Variants in FAM13C observed in about 807,000 individuals in gnomAD.
FAM13C encodes the protein protein FAM13C.
A neutral mutation model predicts 73.2 loss-of-function variants in FAM13C; 37 were observed. The observed-to-expected ratio is 0.51, with a 90% CI of 0.39 to 0.67. The LOEUF is 0.67. Among genes scored for constraint, FAM13C ranks in the 30% least tolerant of loss-of-function variants. FAM13C has a pLI of 0.00. For synonymous variants in FAM13C, 246 were observed against 260.9 expected, an observed-to-expected ratio of 0.94 and a Z score of 0.55; for missense variants, 589 against 715.6, an observed-to-expected ratio of 0.82 and a Z score of 2.02.
intron 6 of FAM13C, among the ~76,000 whole-genome samples, chr10:59,271,657 G>A (rs1173949578): frequency 6.6e-6 from 1 of 152,204 alleles, no homozygotes; most frequent in Non-Finnish European, 1.5e-5. Flanking sequence ...GCCCTCAGGA[G>A]TAACAGGAAT....
At chr10:59,281,068 T>C (rs1844869035) in intron 6 of FAM13C, among the ~76,000 whole-genome samples, 1 of 152,236 alleles carries the variant, frequency 6.6e-6, no homozygotes, top group Admixed American at 6.5e-5. Context: ...TGAATATTTG[T>C]ATACATGTAA....
intron 5 of FAM13C, among the ~76,000 whole-genome samples, chr10:59,286,542 T>TATATATATATATATATA (rs58052786): frequency 2.5e-4 from 35 of 140,594 alleles, no homozygotes; most frequent in African/African-American, 5.8e-4. Context: ...TATATATATA[T>TATATATATATATATATA]TCATCATACA....
Position 59,276,423 on chromosome 10 carries a change from CA to C in FAM13C, c.593-6315del, listed in dbSNP as rs201776726. Among the ~76,000 whole-genome samples the C allele has an allele frequency of 8.1e-3, 1,231 of 152,232 alleles. 46 individuals are homozygous for C. In the East Asian group the frequency reaches 0.12, roughly 15 times the overall value. ...GCTGACATTTATGGAGCATTTACCA[CA>C]GGAGATGAGCTAAGACCTTCATATA... On this transcript the variant is annotated intron_variant, in intron 6 of 13. Coordinates refer to ENST00000618804, the MANE Select transcript of FAM13C (RefSeq NM_198215.4).
intron 7 of FAM13C, 31 bp from the exon 8 acceptor site, chr10:59,268,722 A>G (rs1843364044): frequency 1.2e-6 from 2 of 1,600,544 alleles, no homozygotes; most frequent in African/African-American, 1.3e-5. Context: ...AAGGAGTATC[A>G]AAAACAGTGG....
At chr10:59,360,594 A>G (rs1856273188) in intron 1 of FAM13C, among the ~76,000 whole-genome samples, 1 of 152,152 alleles carries the variant, frequency 6.6e-6, no homozygotes, top group African/African-American at 2.4e-5. Flanking sequence ...GGAAAATGTT[A>G]TTGTGGCAAT....
rs974571845 is a variant in FAM13C at position 59,268,410 on chromosome 10, A to T, written c.942+143T>A. 6.5e-6 allele frequency: 6 copies of T among 918,924 alleles called. No individual in the cohort carries two copies. In the African/African-American group the frequency reaches 1.0e-4, roughly 15 times the overall value. The allele number at this position is 918,924 out of a possible 1,614,324, so 56.9% of individuals were successfully genotyped here. ...AGAACAAGACAGATAGAAGATGAAGACTCTATGATAGGTCCAGGTTGGCCC... is the reference window on the plus strand; with the variant it reads ...AGAACAAGACAGATAGAAGATGAAGTCTCTATGATAGGTCCAGGTTGGCCC... On this transcript the variant is annotated intron_variant, in intron 8 of 13. Transcript: ENST00000618804.
intron 6 of FAM13C, among the ~76,000 whole-genome samples, chr10:59,279,099 G>A (rs1453981887): frequency 2.6e-5 from 4 of 152,164 alleles, no homozygotes; most frequent in Non-Finnish European, 5.9e-5. Context: ...CCCCTGGAGT[G>A]GCACCGTGTT....
chr10:59,311,025 A>G (rs1245717786), intron 4 of FAM13C, among the ~76,000 whole-genome samples: 1 of 152,200 alleles, frequency 6.6e-6, no homozygotes, highest in Non-Finnish European at 1.5e-5. Context: ...TATAGGAGTG[A>G]CATGGTGTTT....
intron 4 of FAM13C, among the ~76,000 whole-genome samples, chr10:59,303,513 C>T (rs910201257): frequency 6.6e-6 from 1 of 152,170 alleles, no homozygotes; most frequent in Non-Finnish European, 1.5e-5. Context: ...CAGAAAGATA[C>T]CATTTGTCTG....
At chr10:59,362,686 G>C (rs1589755157), upstream of FAM13C, 2 of 1,013,146 alleles carry the variant, frequency 2.0e-6, no homozygotes, top group Non-Finnish European at 2.7e-6. Flanking sequence ...AGAGCTGGGC[G>C]GGGCGCGGCG....
intron 3 of FAM13C, among the ~76,000 whole-genome samples, chr10:59,337,996 A>AGGAAC: frequency 1.3e-5 from 2 of 152,046 alleles, no homozygotes; most frequent in African/African-American, 4.8e-5. Flanking sequence ...TTTCATTTTC[A>AGGAAC]TTCTCACTGT....
rs554495261 is a variant in FAM13C, at chr10:59,346,654, C to T, written c.324+5616G>A. ...AGTGGGGATGACAAGACTGCCTCTA[C>T]CATTGCTAAAAATGAGTGCCTTCTG... is the stretch of plus-strand genomic sequence containing the variant. On this transcript the variant is annotated intron_variant, in intron 3 of 13. Coordinates refer to ENST00000618804, the MANE Select transcript of FAM13C (RefSeq NM_198215.4). Among the ~76,000 whole-genome samples the T allele has an allele frequency of 2.6e-5, 4 of 152,252 alleles. No individual in the cohort carries two copies. In the South Asian group the frequency reaches 6.2e-4, roughly 24 times the overall value.
chr10:59,332,170 C>A (rs1196083770), intron 3 of FAM13C, among the ~76,000 whole-genome samples: 3 of 151,740 alleles, frequency 2.0e-5, no homozygotes, highest in Admixed American at 6.6e-5. Context: ...ACTCAAGCTG[C>A]AAAATAATGT....
At chr10:59,319,248 A>T (rs1174737679) in intron 4 of FAM13C, among the ~76,000 whole-genome samples, 3 of 152,178 alleles carry the variant, frequency 2.0e-5, no homozygotes, top group Non-Finnish European at 4.4e-5. Context: ...GTCAAAAAAT[A>T]GTGGAGGCCA....
At chr10:59,264,463 T>A (rs1438485920) in intron 8 of FAM13C, among the ~76,000 whole-genome samples, 2 of 152,186 alleles carry the variant, frequency 1.3e-5, no homozygotes, top group Admixed American at 6.5e-5. Context: ...GTCCTGGCCA[T>A]GCCAGTGCCC....
chr10:59,316,766 T>G (rs895264952), intron 4 of FAM13C, among the ~76,000 whole-genome samples: 3 of 152,210 alleles, frequency 2.0e-5, no homozygotes, highest in Admixed American at 1.3e-4. Context: ...TACATGTCCG[T>G]TGTTAACTGA....
At chr10:59,325,292 A>T (rs546046861) in intron 3 of FAM13C, among the ~76,000 whole-genome samples, 2 of 152,290 alleles carry the variant, frequency 1.3e-5, no homozygotes, top group South Asian at 4.1e-4. Flanking sequence ...CACTAGAAAA[A>T]CATGGTGAGG....
At chr10:59,253,607 T>C (rs1359762499) in intron 11 of FAM13C, 2 of 152,458 alleles carry the variant, frequency 1.3e-5, no homozygotes, top group African/African-American at 4.8e-5. Flanking sequence ...TATGCTTCCA[T>C]AAAGGGAAAA....
chr10:59,261,113 C>T (rs959558052), intron 10 of FAM13C, among the ~76,000 whole-genome samples: 1 of 152,052 alleles, frequency 6.6e-6, no homozygotes, highest in Non-Finnish European at 1.5e-5. Context: ...ACTTCAGAAG[C>T]ATTGAAGGAT....
Sources: gnomAD v4.1 joint callset for allele counts (sites outside exome capture counted in the v4.1 genomes callset) on GRCh38, gnomAD v4.1.1 for gene constraint, MANE v1.5 for transcripts, NCBI Gene and HGNC (gene_info 2026-07-23, HGNC 2026-07-21) for gene names.